Variants in STPG2 observed in about 807,000 individuals in gnomAD.
STPG2 encodes the protein sperm-tail PG-rich repeat-containing protein 2.
In STPG2, 56 loss-of-function variants were observed where a neutral mutation model predicts 54.2. That is an observed-to-expected ratio of 1.03 (90% CI 0.83 to 1.29). The LOEUF is 1.29. Among genes scored for constraint, STPG2 ranks in the 50% most tolerant of loss-of-function variants. The pLI is 0.00. For missense variants in STPG2, 596 were observed against 544.9 expected (o/e 1.09, Z -0.93); for synonymous variants, 200 against 181.8 (o/e 1.10, Z -0.81).
At chr4:97,831,498 C>A (rs1243731357) in intron 9 of STPG2, among the ~76,000 whole-genome samples, 1 of 151,926 alleles carries the variant, frequency 6.6e-6, no homozygotes, top group African/African-American at 2.4e-5. Context: ...CAAGAGCTAG[C>A]AGAAGACAAG....
At chr4:97,655,746 C>T (rs6857531) in intron 10 of STPG2, among the ~76,000 whole-genome samples, 1 of 152,082 alleles carries the variant, frequency 6.6e-6, no homozygotes. Context: ...TGCACTATTA[C>T]AAGCTAGTTT....
intron 5 of STPG2, among the ~76,000 whole-genome samples, chr4:98,010,467 C>T (rs11944035): frequency 0.39 from 59,948 of 151,920 alleles, 12,055 homozygotes; most frequent in Middle Eastern, 0.47. Flanking sequence ...TTAGTATTTG[C>T]ATGGATTATA....
intron 8 of STPG2, among the ~76,000 whole-genome samples, chr4:97,925,294 C>T (rs891962848): frequency 4.6e-5 from 7 of 152,138 alleles, no homozygotes; most frequent in African/African-American, 9.7e-5. Flanking sequence ...TGTTCCTTCT[C>T]GGCCTTGATG....
rs181635613 is a variant in STPG2, at chr4:97,863,379, C to T, written c.1045-22447G>A. 5.7e-3 allele frequency among the ~76,000 whole-genome samples: 862 copies of T among 152,256 alleles called. 6 individuals carry two copies. Among genetic ancestry groups the T allele is most frequent in the Non-Finnish European group, 9.6e-3 (655 of 68,024 alleles). On this transcript the variant is annotated intron_variant, in intron 8 of 10. Transcript: ENST00000295268. ...GGATAAATTCCTTGACACATACACCCTCCCAAGACTAAGCCAGGAAGAAGT... is the reference window on the plus strand; with the variant it reads ...GGATAAATTCCTTGACACATACACCTTCCCAAGACTAAGCCAGGAAGAAGT...
intron 2 of STPG2, among the ~76,000 whole-genome samples, chr4:98,130,326 C>A (rs543947662): frequency 6.6e-6 from 1 of 151,990 alleles, no homozygotes; most frequent in Non-Finnish European, 1.5e-5. Flanking sequence ...CAGGCATGTG[C>A]CACCATGCCT....
intron 9 of STPG2, among the ~76,000 whole-genome samples, chr4:97,743,855 G>T (rs1324595969): frequency 1.3e-5 from 2 of 151,538 alleles, no homozygotes; most frequent in Non-Finnish European, 3.0e-5. Context: ...GAGTAGAAAA[G>T]CTAGTAGGAT....
intron 5 of STPG2, among the ~76,000 whole-genome samples, chr4:97,988,856 T>G (rs1284183138): frequency 6.6e-6 from 1 of 152,206 alleles, no homozygotes; most frequent in East Asian, 1.9e-4. Flanking sequence ...TCAAGCGATC[T>G]GCCCGCCTTG....
At chr4:97,576,075 A>G (rs1485470775) in intron 10 of STPG2, among the ~76,000 whole-genome samples, 3 of 152,114 alleles carry the variant, frequency 2.0e-5, no homozygotes, top group Non-Finnish European at 4.4e-5. Context: ...GATCTCTATA[A>G]GGAGAACTAC....
chr4:97,742,774 A>C (rs1156569791), intron 9 of STPG2, among the ~76,000 whole-genome samples: 1 of 151,672 alleles, frequency 6.6e-6, no homozygotes, highest in Admixed American at 6.6e-5. Flanking sequence ...ACAGATGGAG[A>C]CATGTAGGCA....
At chr4:97,758,440 T>C (rs1725794295) in intron 9 of STPG2, among the ~76,000 whole-genome samples, 1 of 152,044 alleles carries the variant, frequency 6.6e-6, no homozygotes, top group Admixed American at 6.6e-5. Context: ...TGCTATGCAG[T>C]CATAAAAAAG....
At chr4:98,066,104 GT>G (rs71588932) in intron 5 of STPG2, among the ~76,000 whole-genome samples, 59,780 of 151,504 alleles carry the variant, frequency 0.39, 12,004 homozygotes, top group Middle Eastern at 0.47. Context: ...AAAATATATT[GT>G]TTATAATATA....
At chr4:97,861,549 C>A (rs1300470343) in intron 8 of STPG2, among the ~76,000 whole-genome samples, 4 of 152,136 alleles carry the variant, frequency 2.6e-5, no homozygotes, top group African/African-American at 7.2e-5. Context: ...GATATCTGCA[C>A]TCCTATGTTT....
Position 97,737,741 on chromosome 4 carries a change from T to C in STPG2, c.1205-24927A>G, listed in dbSNP as rs556148665. Among the ~76,000 whole-genome samples the C allele has an allele frequency of 3.7e-4, 56 of 152,348 alleles. 1 individual carries two copies. In the South Asian group the frequency reaches 0.012, roughly 32 times the overall value. ...AGACCATATCTACGTCTCATCGGTG[T>C]ACCTGAAAGTGACGGGGAGAATGGA... On this transcript the variant is annotated intron_variant, in intron 9 of 10. Transcript: ENST00000295268.
Position 97,539,944 on chromosome 4 carries a change from A to G in STPG2, c.462+172755T>C, listed in dbSNP as rs530869756. On this transcript the variant is annotated intron_variant, in intron 4 of 4. Transcript: ENST00000522676. Reference sequence around the variant, plus strand: ...TGAAACCAATGAGAATAAAGACACAACATACCAGAATCTCTGAGACACATT... The same window carrying G: ...TGAAACCAATGAGAATAAAGACACAGCATACCAGAATCTCTGAGACACATT... Among the ~76,000 whole-genome samples, 12 of 152,344 alleles carry G rather than the reference A, an allele frequency of 7.9e-5. 1 individual carries two copies. The East Asian group carries it at 2.1e-3, about 27-fold the overall frequency.
At chr4:97,560,036 A>G (rs1451083826) in intron 10 of STPG2, among the ~76,000 whole-genome samples, 1 of 152,168 alleles carries the variant, frequency 6.6e-6, no homozygotes, top group African/African-American at 2.4e-5. Flanking sequence ...GATCATATTT[A>G]AACAGTGTCT....
intron 8 of STPG2, among the ~76,000 whole-genome samples, chr4:97,943,068 G>A (rs189401806): frequency 6.6e-6 from 1 of 152,256 alleles, no homozygotes; most frequent in Admixed American, 6.5e-5. Context: ...AGCAGACTCA[G>A]TATCTGGAGA....
At chr4:98,065,261 G>C (rs1737798119) in intron 5 of STPG2, among the ~76,000 whole-genome samples, 1 of 151,950 alleles carries the variant, frequency 6.6e-6, no homozygotes, top group Non-Finnish European at 1.5e-5. Flanking sequence ...ATACTGACAA[G>C]GGTGGAAGGC....
chr4:98,123,367 C>G (rs1231042623), intron 3 of STPG2, among the ~76,000 whole-genome samples: 12 of 152,190 alleles, frequency 7.9e-5, no homozygotes, highest in Admixed American at 7.2e-4. Flanking sequence ...AGCTGCATCT[C>G]AGAGATTCTG....
At chr4:97,598,608 T>A (rs1329305755) in intron 10 of STPG2, among the ~76,000 whole-genome samples, 1 of 148,582 alleles carries the variant, frequency 6.7e-6, no homozygotes, top group African/African-American at 2.5e-5. Flanking sequence ...GAGAGCCCAA[T>A]ATCAAGCTGC....
Sources: allele counts gnomAD v4.1 joint callset (sites outside exome capture counted in the v4.1 genomes callset), GRCh38; gene constraint gnomAD v4.1.1; transcripts MANE v1.5; gene names NCBI Gene and HGNC (gene_info 2026-07-23, HGNC 2026-07-21).